Variants in MANEA observed in about 807,000 individuals in gnomAD.
MANEA encodes glycoprotein endo-alpha-1,2-mannosidase.
A neutral mutation model predicts 36.8 loss-of-function variants in MANEA; 25 were observed. The observed-to-expected ratio is 0.68, with a 90% CI of 0.50 to 0.95. MANEA has a LOEUF of 0.95. MANEA is among the 40% of genes least tolerant of loss of function. MANEA has a pLI of 0.00. For synonymous variants in MANEA, 198 were observed against 188.5 expected (o/e 1.05, Z -0.41); for missense variants, 565 against 558.8 (o/e 1.01, Z -0.11).
intron 1 of MANEA, among the ~76,000 whole-genome samples, chr6:95,583,929 A>T (rs748610649): frequency 5.9e-5 from 9 of 152,212 alleles, no homozygotes; most frequent in Non-Finnish European, 7.3e-5. Context: ...AAATACATGT[A>T]GAATAGTGTT....
Position 95,606,241 on chromosome 6 carries a change from A to T in MANEA, c.1225A>T (p.Thr409Ser). The change falls in exon 5 of 5, where the codon ACT becomes TCT. Residue 409 changes from threonine to serine, a missense_variant. Transcript: ENST00000358812. ...CTCTTTTAATGAGTGGCATGAAGGA[A>T]CTCAGATTGAAAAAGCTGTTCCCAA... ...ITSFNEWHEG[T>S]QIEKAVPKRT... 1 of 1,613,892 alleles carries T rather than the reference A, an allele frequency of 6.2e-7. No homozygotes were observed. The highest frequency in any genetic ancestry group is 2.2e-5 in the East Asian group (1 of 44,856).
At chr6:95,587,777 T>A (rs1769315422) in intron 2 of MANEA, among the ~76,000 whole-genome samples, 1 of 152,112 alleles carries the variant, frequency 6.6e-6, no homozygotes, top group Non-Finnish European at 1.5e-5. Flanking sequence ...TCTGTTTATT[T>A]CATTTATGTT....
At chr6:95,601,191 G>A (rs1456500116) in intron 3 of MANEA, among the ~76,000 whole-genome samples, 1 of 152,168 alleles carries the variant, frequency 6.6e-6, no homozygotes, top group Non-Finnish European at 1.5e-5. Context: ...TTAGTAGGCT[G>A]GTTTTGCAGA....
intron 2 of MANEA, chr6:95,590,012 G>C (rs1271014836): frequency 2.0e-5 from 3 of 152,096 alleles, no homozygotes; most frequent in Admixed American, 2.0e-4. Flanking sequence ...GGAACAAGAA[G>C]TTCATGAGCC....
Position 95,586,976 on chromosome 6 carries a change from T to C in MANEA, c.537T>C (p.Ala179=). ...IETHMRQMRS[A]SIGVLALSWY... is the part of the protein sequence containing the mutation. ...CTCACATGAGACAAATGCGCTCAGC[T>C]TCAATTGGTAATTATTGTATATATA... Residue 179 remains alanine, a synonymous_variant, in exon 2 of 5, where the codon GCT becomes GCC. Transcript: ENST00000358812. The C allele has an allele frequency of 1.3e-6, 2 of 1,579,044 alleles. No individual in the cohort carries two copies. Among genetic ancestry groups the C allele is most frequent in the Non-Finnish European group, 8.7e-7 (1 of 1,152,764 alleles).
rs1268048010 is a variant in MANEA at position 95,606,807 on chromosome 6, A to G, written c.*402A>G. The G allele has an allele frequency of 1.3e-5, 2 of 152,636 alleles. No homozygotes were observed. Among genetic ancestry groups the G allele is most frequent in the Non-Finnish European group, 2.9e-5 (2 of 68,420 alleles). 9.5% of individuals were successfully genotyped at this position (152,636 alleles called of 1,614,324 possible). On this transcript the variant is annotated 3_prime_UTR_variant, in exon 5 of 5. Transcript: ENST00000358812. ...ATATTTGGGATATCTATTGAAGAAA[A>G]AAAGAAAACCCCTTAAAGATAATGT... is the stretch of plus-strand genomic sequence containing the variant.
chr6:95,591,607 G>A (rs1294482615), intron 2 of MANEA, among the ~76,000 whole-genome samples: 2 of 151,152 alleles, frequency 1.3e-5, no homozygotes, highest in African/African-American at 2.4e-5. Flanking sequence ...TGTTACTCCT[G>A]TTATTTTTTG....
Position 95,605,844 on chromosome 6 carries a change from A to G in MANEA, c.828A>G (p.Glu276=). 6.2e-7 allele frequency: 1 copy of G among 1,614,042 alleles called. No homozygotes were observed. Among genetic ancestry groups the G allele is most frequent in the African/African-American group, 1.3e-5 (1 of 75,014 alleles). The part of the protein sequence containing the change: ...YVYDSYITKP[E]KWANLLTTSG... ...ATGATTCCTATATTACCAAGCCTGA[A>G]AAATGGGCCAATCTGTTAACCACCT... The change falls in exon 5 of 5, where the codon GAA becomes GAG. Residue 276 remains glutamate, a synonymous_variant. Coordinates refer to ENST00000358812, the MANE Select transcript of MANEA (RefSeq NM_024641.4).
chr6:95,607,997 T>C lies in MANEA; in HGVS notation c.*1592T>C, dbSNP rs1486275929. ...TTATGTTATTGAAAAGCATTATTAA[T>C]GTTTAATTTATTTAAAATTTTGGAA... On this transcript the variant is annotated 3_prime_UTR_variant, in exon 5 of 5. Transcript: ENST00000358812. The C allele has an allele frequency of 6.6e-6, 1 of 151,880 alleles. No homozygotes were observed. Among genetic ancestry groups the C allele is most frequent in the Non-Finnish European group, 1.5e-5 (1 of 67,802 alleles). 9.4% of individuals were successfully genotyped at this position (151,880 alleles called of 1,614,324 possible). A position where few individuals can be genotyped will look rare whatever the true frequency, so the allele number is the denominator to read the frequency against.
In MANEA at chr6:95,580,351, T is replaced by G. The variant is rs570541684; in HGVS notation, c.-39+2713T>G. ...GTTATGCTCTACTAGAATGTGAAGA[T>G]AAAGACTCCATTTCTGAAACTTAAG... is the stretch of plus-strand genomic sequence containing the variant. On this transcript the variant is annotated intron_variant, in intron 1 of 4. Transcript: ENST00000358812. Among the ~76,000 whole-genome samples, 7 of 152,250 alleles carry G rather than the reference T, an allele frequency of 4.6e-5. No individual in the cohort carries two copies. The South Asian group carries it at 1.4e-3, about 32-fold the overall frequency.
rs1421406766 is a variant in MANEA, at chr6:95,605,765, C to G, written c.749C>G (p.Ala250Gly). 1.6e-5 allele frequency: 26 copies of G among 1,609,018 alleles called. No homozygotes were observed. Among genetic ancestry groups the G allele is most frequent in the Non-Finnish European group, 2.1e-5 (25 of 1,176,354 alleles). The stretch of plus-strand genomic sequence containing the variant: ...TTTTCTAGATATGGAAATCATCCGG[C>G]CTTTTACAGGTACAAGACGAAGACT... ...YIIDKYGNHP[A>G]FYRYKTKTGN... The change falls in exon 5 of 5, where the codon GCC (alanine) becomes GGC (glycine). Residue 250 changes from alanine (A) to glycine (G), a missense_variant. Physicochemically the swap from Ala to Gly is moderately conservative, Grantham distance 60. Transcript: ENST00000358812.
intron 2 of MANEA, chr6:95,587,206 G>A (rs1769306153): frequency 6.6e-6 from 3 of 453,610 alleles, no homozygotes. Context: ...GAGCATTTCT[G>A]GATATATTGT....
At chr6:95,602,631 G>T (rs555116124) in intron 3 of MANEA, among the ~76,000 whole-genome samples, 6 of 152,208 alleles carry the variant, frequency 3.9e-5, no homozygotes, top group African/African-American at 1.4e-4. Context: ...TTTATGTATA[G>T]AATTCTGTTA....
chr6:95,595,001 G>T (rs1053060941), intron 2 of MANEA, among the ~76,000 whole-genome samples: 1 of 151,962 alleles, frequency 6.6e-6, no homozygotes. Flanking sequence ...GAGAGTGCTT[G>T]GTTTACTATT....
At position 95,584,480 on chromosome 6, in the gene MANEA, C is replaced by T. The variant is rs376338401; in HGVS notation, c.-38-1922C>T. On this transcript the variant is annotated intron_variant, in intron 1 of 4. Coordinates refer to ENST00000358812, the MANE Select transcript of MANEA (RefSeq NM_024641.4). ...GATACGCCCTGGTCTCCTCCAGTACCCCACCCTGGTGAATTTGAGGTCAGA... is the reference window on the plus strand; with the variant it reads ...GATACGCCCTGGTCTCCTCCAGTACTCCACCCTGGTGAATTTGAGGTCAGA... Among the ~76,000 whole-genome samples, 57 of 152,228 alleles carry T rather than the reference C, an allele frequency of 3.7e-4. No individual in the cohort carries two copies. In the East Asian group the frequency reaches 5.4e-3, roughly 14 times the overall value.
At chr6:95,597,563 A>G (rs1769504456) in intron 3 of MANEA, among the ~76,000 whole-genome samples, 1 of 152,098 alleles carries the variant, frequency 6.6e-6, no homozygotes, top group Non-Finnish European at 1.5e-5. Flanking sequence ...ATAAATTCAT[A>G]AAAATTATAA....
At chr6:95,595,758 T>C (rs1256355162) in intron 2 of MANEA, among the ~76,000 whole-genome samples, 1 of 152,156 alleles carries the variant, frequency 6.6e-6, no homozygotes. Context: ...CTCCAGTTAG[T>C]GATTTTCATG....
chr6:95,605,220 A>G (rs1360264815), intron 4 of MANEA, among the ~76,000 whole-genome samples: 2 of 152,100 alleles, frequency 1.3e-5, no homozygotes, highest in African/African-American at 4.8e-5. Context: ...TTATCTTTTT[A>G]AAAAGAAGGT....
Position 95,604,273 on chromosome 6 carries a change from G to C in MANEA, c.655-554G>C, listed in dbSNP as rs150539322. On this transcript the variant is annotated intron_variant, in intron 3 of 4. Transcript: ENST00000358812. ...TTTATATGTAAATAAATTTGCTAAT[G>C]ACTTCTATTTAAATTTAAGCTTAAT... Among the ~76,000 whole-genome samples the C allele has an allele frequency of 9.8e-3, 1,493 of 151,658 alleles. 26 individuals are homozygous for C. Among genetic ancestry groups the C allele is most frequent in the African/African-American group, 0.034 (1,396 of 41,370 alleles).
Sources: allele counts gnomAD v4.1 joint callset (sites outside exome capture counted in the v4.1 genomes callset), GRCh38; gene constraint gnomAD v4.1.1; transcripts MANE v1.5; gene names NCBI Gene and HGNC (gene_info 2026-07-23, HGNC 2026-07-21).